Variants in TTC7B observed in about 807,000 individuals in gnomAD.
The protein encoded by TTC7B is tetratricopeptide repeat protein 7B.
In TTC7B, 28 loss-of-function variants were observed where a neutral mutation model predicts 106.8. The observed-to-expected ratio is 0.26, with a 90% CI of 0.19 to 0.36. The LOEUF (loss-of-function observed/expected upper bound fraction) is 0.36, where lower values mean the gene tolerates loss of function less well. TTC7B is among the 10% of genes least tolerant of loss of function. The probability of loss-of-function intolerance (pLI) is 1.00; values close to 1 mark genes in which losing one functional copy is unlikely to be tolerated. For missense variants in TTC7B, 862 were observed against 1,076.4 expected (o/e 0.80, Z 2.79); for synonymous variants, 405 against 430.6 (o/e 0.94, Z 0.74).
Position 90,668,626 on chromosome 14 carries a change from G to A in TTC7B, c.1152+7897C>T, listed in dbSNP as rs73328809. Among the ~76,000 whole-genome samples, 1,157 of 152,202 alleles carry A rather than the reference G, an allele frequency of 7.6e-3. 10 individuals carry two copies. The highest frequency in any genetic ancestry group is 0.027 in the African/African-American group (1,124 of 41,504). ...ATCATCACAATAACATTCCAAGGTA[G>A]ATCTTATTATTATCTATGTTTTCCA... On this transcript the variant is annotated intron_variant, in intron 9 of 19. Transcript: ENST00000328459.
intron 5 of TTC7B, among the ~76,000 whole-genome samples, chr14:90,725,103 G>A (rs1889042595): frequency 6.6e-6 from 1 of 152,186 alleles, no homozygotes; most frequent in African/African-American, 2.4e-5. Flanking sequence ...AAACGTGTGT[G>A]AATTCTCTTA....
chr14:90,611,260 T>C (rs1892860878), intron 16 of TTC7B, among the ~76,000 whole-genome samples: 1 of 152,164 alleles, frequency 6.6e-6, no homozygotes, highest in Non-Finnish European at 1.5e-5. Flanking sequence ...ACACCTGCGC[T>C]TCTAAAACCC....
chr14:90,816,039 C>T, intron 1 of TTC7B, 136 bp downstream of exon 1: 1 of 953,330 alleles, frequency 1.0e-6, no homozygotes, highest in Non-Finnish European at 1.2e-6. Context: ...GTCCCGCGCA[C>T]ATCCCCTGGG....
At chr14:90,729,583 T>C (rs776177388) in intron 5 of TTC7B, among the ~76,000 whole-genome samples, 3 of 152,226 alleles carry the variant, frequency 2.0e-5, no homozygotes, top group Non-Finnish European at 2.9e-5. Flanking sequence ...TCCCTCCCGT[T>C]CATGTCCTTC....
At chr14:90,625,232 G>A (rs778603678) in intron 15 of TTC7B, among the ~76,000 whole-genome samples, 15 of 152,214 alleles carry the variant, frequency 9.9e-5, no homozygotes, top group South Asian at 6.2e-4. Flanking sequence ...TGTCGTGACC[G>A]GGAGAAGGCA....
At chr14:90,735,256 A>C (rs986109614) in intron 4 of TTC7B, among the ~76,000 whole-genome samples, 2 of 152,240 alleles carry the variant, frequency 1.3e-5, no homozygotes, top group Non-Finnish European at 2.9e-5. Flanking sequence ...CTGTAATCCC[A>C]ACACTTTGAG....
intron 17 of TTC7B, chr14:90,603,334 A>C (rs1452766733): frequency 7.8e-7 from 1 of 1,276,492 alleles, no homozygotes; most frequent in Admixed American, 2.4e-5. Flanking sequence ...CAAAAATTAA[A>C]ACCAAGAAAC....
chr14:90,776,303 T>C (rs1449276636), intron 3 of TTC7B, among the ~76,000 whole-genome samples: 1 of 152,018 alleles, frequency 6.6e-6, no homozygotes, highest in African/African-American at 2.4e-5. Context: ...AACTCGAAAT[T>C]GGTGATCAGC....
intron 16 of TTC7B, among the ~76,000 whole-genome samples, chr14:90,616,283 A>C (rs1893070716): frequency 6.6e-6 from 1 of 152,262 alleles, no homozygotes; most frequent in South Asian, 2.1e-4. Context: ...TTCATAGGCC[A>C]GGAGTGGGGG....
At chr14:90,550,144 C>A (rs1890014576) in intron 19 of TTC7B, among the ~76,000 whole-genome samples, 1 of 152,154 alleles carries the variant, frequency 6.6e-6, no homozygotes, top group Non-Finnish European at 1.5e-5. Context: ...GAAACAATTG[C>A]AGCTCACCTA....
At chr14:90,598,145 C>G (rs1448139719) in intron 17 of TTC7B, among the ~76,000 whole-genome samples, 1 of 152,218 alleles carries the variant, frequency 6.6e-6, no homozygotes, top group Non-Finnish European at 1.5e-5. Flanking sequence ...TGCGCCTCTC[C>G]CCGCAGTCAC....
chr14:90,602,248 G>C, intron 17 of TTC7B: 1 of 456,048 alleles, frequency 2.2e-6, no homozygotes, highest in Non-Finnish European at 4.4e-6. Flanking sequence ...CTGGGTCAAA[G>C]TGCGGGACTT....
intron 9 of TTC7B, among the ~76,000 whole-genome samples, chr14:90,665,326 T>C (rs974035130): frequency 2.6e-5 from 4 of 152,230 alleles, no homozygotes; most frequent in African/African-American, 9.7e-5. Context: ...GGCATCCTAA[T>C]CATTTAAGTG....
At chr14:90,815,981 G>T (rs2031156083) in intron 1 of TTC7B, among the ~76,000 whole-genome samples, 194 bp downstream of exon 1, 1 of 151,198 alleles carries the variant, frequency 6.6e-6, no homozygotes, top group Non-Finnish European at 1.5e-5. Context: ...GCCCCCCCGG[G>T]CCCCCACACC....
In TTC7B at chr14:90,651,908, G is replaced by C. The variant is rs573430301; in HGVS notation, c.1517+933C>G. 1.1e-4 allele frequency among the ~76,000 whole-genome samples: 17 copies of C among 152,270 alleles called. No individual in the cohort carries two copies. The South Asian group carries it at 1.7e-3, about 15-fold the overall frequency. ...GTCTAACGAAGCTTGTCAGGTATTG[G>C]GAAGGCCTCATGAAATATTCGTAAC... On this transcript the variant is annotated intron_variant, in intron 13 of 19. Transcript: ENST00000328459.
At chr14:90,764,225 A>G (rs1217703389) in intron 3 of TTC7B, among the ~76,000 whole-genome samples, 1 of 152,162 alleles carries the variant, frequency 6.6e-6, no homozygotes, top group East Asian at 1.9e-4. Context: ...AGTATTTTCA[A>G]AAAATTGGGC....
At chr14:90,594,367 A>T (rs1304197482) in intron 17 of TTC7B, among the ~76,000 whole-genome samples, 2 of 151,986 alleles carry the variant, frequency 1.3e-5, no homozygotes, top group Non-Finnish European at 2.9e-5. Flanking sequence ...TTCACTAGTC[A>T]AGGGTTGGGG....
rs1189992910 is a variant in TTC7B at position 90,807,743 on chromosome 14, C to G, written c.121+8432G>C. Among the ~76,000 whole-genome samples the G allele has an allele frequency of 6.6e-6, 1 of 152,146 alleles. No individual in the cohort carries two copies. The highest frequency in any genetic ancestry group is 2.4e-5 in the African/African-American group (1 of 41,422). On this transcript the variant is annotated intron_variant, in intron 1 of 19. Transcript: ENST00000328459. This position sits in a 1 kb window ranked among gnomAD's most constrained non-coding sequence, Gnocchi z 4.1. ...TAGATTTCCAGCTTCTACCTTGGGC[C>G]GAGAGAATCACCACCCTCAGCCAAG...
At chr14:90,744,064 T>G (rs146505041) in intron 4 of TTC7B, among the ~76,000 whole-genome samples, 1 of 152,238 alleles carries the variant, frequency 6.6e-6, no homozygotes, top group Non-Finnish European at 1.5e-5. Context: ...CTCAGCTCGG[T>G]CTACTTCGGT....
Sources: allele counts gnomAD v4.1 joint callset (sites outside exome capture counted in the v4.1 genomes callset), GRCh38; gene constraint gnomAD v4.1.1; non-coding constraint Gnocchi (gnomAD v3.1); transcripts MANE v1.5; gene names NCBI Gene and HGNC (gene_info 2026-07-23, HGNC 2026-07-21).